Variants in STRN observed in about 807,000 individuals in gnomAD.
STRN encodes striatin, also known as protein phosphatase 2 regulatory subunit B'''alpha.
In STRN, 53 loss-of-function variants were observed where a neutral mutation model predicts 96.3. The observed-to-expected ratio is 0.55, with a 90% confidence interval of 0.44 to 0.69. The LOEUF (loss-of-function observed/expected upper bound fraction) is 0.69, where lower values mean the gene tolerates loss of function less well. STRN is among the 30% of genes least tolerant of loss of function. The pLI is 0.00. For missense variants in STRN, 987 were observed against 963.9 expected (o/e 1.02, Z -0.32); for synonymous variants, 428 against 355.9 (o/e 1.20, Z -2.28).
chr2:36,857,857 T>C lies in STRN; in HGVS notation c.1836A>G (p.Lys612=). 6.2e-7 allele frequency: 1 copy of C among 1,613,046 alleles called. No homozygotes were observed. Among genetic ancestry groups the C allele is most frequent in the Non-Finnish European group, 8.5e-7 (1 of 1,179,266 alleles). The part of the protein sequence containing the change: ...APALSVFNDT[K]ELGIPASVDL... The stretch of plus-strand genomic sequence containing the variant: ...AAAATAATTTTTTAAAGTATGTACC[T>C]TTAGTATCATTAAATACACTTAGTG... The change falls in exon 14 of 18, where the codon AAA becomes AAG. Residue 612 remains lysine, a splice_region_variant and synonymous_variant. Transcript: ENST00000263918.
chr2:36,935,430 G>A (rs533788977), intron 1 of STRN, among the ~76,000 whole-genome samples: 23 of 152,198 alleles, frequency 1.5e-4, no homozygotes, highest in South Asian at 4.1e-4. Flanking sequence ...TATGTATCAC[G>A]TACTCTACCA....
At chr2:36,904,615 T>G (rs1669769942) in intron 4 of STRN, among the ~76,000 whole-genome samples, 1 of 152,142 alleles carries the variant, frequency 6.6e-6, no homozygotes, top group Non-Finnish European at 1.5e-5. Context: ...TCACTCGAAG[T>G]CAGGAGTTCG....
rs1667870389 is a variant in STRN, at chr2:36,838,457, A to G, written c.*10999T>C. Reference sequence around the variant, plus strand: ...CAATCCAGATGACCAAAACATTTGAAAAGATGTCTACATTTATAGTAGTCA... The same window carrying G: ...CAATCCAGATGACCAAAACATTTGAGAAGATGTCTACATTTATAGTAGTCA... On this transcript the variant is annotated 3_prime_UTR_variant, in exon 18 of 18. Coordinates refer to ENST00000263918, the MANE Select transcript of STRN (RefSeq NM_003162.4). Among the ~76,000 whole-genome samples, 1 of 152,194 alleles carries G rather than the reference A, an allele frequency of 6.6e-6. No homozygotes were observed. The highest frequency in any genetic ancestry group is 2.4e-5 in the African/African-American group (1 of 41,444).
chr2:36,947,569 TTA>T (rs951432929), intron 1 of STRN, among the ~76,000 whole-genome samples: 38 of 145,726 alleles, frequency 2.6e-4, no homozygotes, highest in East Asian at 9.9e-4. Flanking sequence ...TACATATATA[TTA>T]TATATATATA....
intron 2 of STRN, among the ~76,000 whole-genome samples, chr2:36,923,222 G>C (rs1182397926): frequency 3.3e-5 from 5 of 151,900 alleles, no homozygotes; most frequent in Admixed American, 3.3e-4. Context: ...GGCTGAGATG[G>C]TGGATTACCT....
chr2:36,951,783 T>C (rs976040935), intron 1 of STRN, among the ~76,000 whole-genome samples: 2 of 152,188 alleles, frequency 1.3e-5, no homozygotes, highest in South Asian at 2.1e-4. Flanking sequence ...AAGTATGAGA[T>C]AGGACGGGTT....
intron 10 of STRN, among the ~76,000 whole-genome samples, chr2:36,877,264 A>G (rs1242109432): frequency 1.3e-5 from 2 of 152,224 alleles, no homozygotes; most frequent in Admixed American, 1.3e-4. Context: ...TTAGGTAGGC[A>G]CGAATTACAA....
At chr2:36,923,387 G>C (rs1486044683) in intron 2 of STRN, among the ~76,000 whole-genome samples, 2 of 145,616 alleles carry the variant, frequency 1.4e-5, no homozygotes, top group African/African-American at 5.1e-5. Flanking sequence ...GAAGGCGGAG[G>C]TTGCAGTAAG....
chr2:36,929,349 T>C (rs1349812142), intron 1 of STRN, among the ~76,000 whole-genome samples: 2 of 152,202 alleles, frequency 1.3e-5, no homozygotes, highest in Non-Finnish European at 2.9e-5. Flanking sequence ...TTAAAATATT[T>C]AAAATGCACC....
intron 2 of STRN, among the ~76,000 whole-genome samples, chr2:36,923,499 G>A (rs10168116): frequency 1 from 150,630 of 150,712 alleles, 75,274 homozygotes; most frequent in Middle Eastern, 1. Flanking sequence ...ACTTTTAAAA[G>A]TGTTTTTTCT....
chr2:36,937,716 A>G (rs1670742772), intron 1 of STRN, among the ~76,000 whole-genome samples: 1 of 152,030 alleles, frequency 6.6e-6, no homozygotes, highest in Non-Finnish European at 1.5e-5. Context: ...GAAGGAAATA[A>G]GAAAGAAAAG....
intron 13 of STRN, 114 bp from the exon 14 acceptor site, chr2:36,858,137 A>G (rs1668394775): frequency 2.7e-6 from 2 of 754,170 alleles, no homozygotes; most frequent in South Asian, 4.7e-5. Flanking sequence ...ATAAAATATG[A>G]TTCTTGGTTT....
chr2:36,874,727 A>AC (rs1461490904), intron 10 of STRN, among the ~76,000 whole-genome samples: 23 of 148,958 alleles, frequency 1.5e-4, no homozygotes, highest in Non-Finnish European at 2.4e-4. Flanking sequence ...TAAAAAAAAA[A>AC]AAAAAAAAAA....
intron 9 of STRN, among the ~76,000 whole-genome samples, chr2:36,881,897 T>C (rs1669080379): frequency 6.6e-6 from 1 of 152,244 alleles, no homozygotes. Flanking sequence ...TGCAACTGAT[T>C]AGAAGTCTCA....
At chr2:36,901,604 A>G (rs1214460187) in intron 5 of STRN, among the ~76,000 whole-genome samples, 2 of 152,040 alleles carry the variant, frequency 1.3e-5, no homozygotes, top group Admixed American at 6.6e-5. Flanking sequence ...GATGACTTAC[A>G]TTAAACCCAG....
At chr2:36,870,612 G>C (rs1350152392) in intron 10 of STRN, among the ~76,000 whole-genome samples, 1 of 152,092 alleles carries the variant, frequency 6.6e-6, no homozygotes, top group African/African-American at 2.4e-5. Context: ...TGGTGATGCT[G>C]GTATAAACAA....
rs558779777 is a variant in STRN at position 36,894,778 on chromosome 2, T to C, written c.796-745A>G. 1.4e-4 allele frequency among the ~76,000 whole-genome samples: 22 copies of C among 152,272 alleles called. No homozygotes were observed. In the South Asian group the frequency reaches 4.6e-3, roughly 32 times the overall value. On this transcript the variant is annotated intron_variant, in intron 6 of 17. Coordinates refer to ENST00000263918, the MANE Select transcript of STRN (RefSeq NM_003162.4). ...GTGAGTGGCTTAAAATTATAAAAGT[T>C]TTACAGACAGACCAATAGGATAGAC...
intron 1 of STRN, among the ~76,000 whole-genome samples, chr2:36,964,729 C>A (rs532012733): frequency 6.6e-6 from 1 of 152,314 alleles, no homozygotes; most frequent in East Asian, 1.9e-4. Context: ...CCCTATCACA[C>A]GCTATTCCTG....
intron 1 of STRN, among the ~76,000 whole-genome samples, chr2:36,960,013 T>C (rs1009170903): frequency 6.6e-6 from 1 of 152,164 alleles, no homozygotes; most frequent in Non-Finnish European, 1.5e-5. Context: ...TCTATAACCT[T>C]TCTAAAATAT....
Sources: allele counts gnomAD v4.1 joint callset (sites outside exome capture counted in the v4.1 genomes callset), GRCh38; gene constraint gnomAD v4.1.1; transcripts MANE v1.5; gene names NCBI Gene and HGNC (gene_info 2026-07-23, HGNC 2026-07-21).